Variants in AFAP1 observed in about 807,000 individuals in gnomAD.
AFAP1 encodes actin filament-associated protein 1.
AFAP1 carries 75 observed loss-of-function variants against 93.9 expected under a neutral mutation model. The observed-to-expected ratio is 0.80, with a 90% CI of 0.66 to 0.97. AFAP1 has a LOEUF of 0.97. Ranked by LOEUF, AFAP1 falls within the 50% of genes least tolerant of loss-of-function variation. The pLI, the probability that AFAP1 is intolerant of heterozygous loss-of-function variation, is 0.00. For synonymous variants in AFAP1, 517 were observed against 430.7 expected, an observed-to-expected ratio of 1.20 and a Z score of -2.48; for missense variants, 1,201 against 1,050.8, an observed-to-expected ratio of 1.14 and a Z score of -1.98.
At chr4:7,932,302 C>T (rs1344301486) in intron 1 of AFAP1, among the ~76,000 whole-genome samples, 2 of 152,154 alleles carry the variant, frequency 1.3e-5, no homozygotes, top group African/African-American at 2.4e-5. Context: ...TGGTGACCAC[C>T]ATCAGTTGTT....
At chr4:7,881,789 AAAAG>A (rs1235376336) in intron 1 of AFAP1, among the ~76,000 whole-genome samples, 1 of 151,872 alleles carries the variant, frequency 6.6e-6, no homozygotes, top group African/African-American at 2.4e-5. Flanking sequence ...TCAAAAAAAA[AAAAG>A]AAAAAGTAAA....
intron 1 of AFAP1, among the ~76,000 whole-genome samples, chr4:7,897,613 T>A (rs946496568): frequency 2.0e-5 from 3 of 152,042 alleles, no homozygotes; most frequent in Non-Finnish European, 4.4e-5. Context: ...CACCTCAGCC[T>A]CCCAGGTTCA....
At chr4:7,915,462 G>A (rs948459473) in intron 1 of AFAP1, among the ~76,000 whole-genome samples, 1 of 137,774 alleles carries the variant, frequency 7.3e-6, no homozygotes, top group Non-Finnish European at 1.5e-5. Context: ...CCAGGCAACA[G>A]AGCAAAACCC....
chr4:7,875,602 G>C (rs115808133), intron 1 of AFAP1, among the ~76,000 whole-genome samples: 2,002 of 148,610 alleles, frequency 0.013, 31 homozygotes, highest in African/African-American at 0.039. Flanking sequence ...CTGGGTAACA[G>C]AGTGAGACCC....
chr4:7,897,873 G>T (rs938695827), intron 1 of AFAP1, among the ~76,000 whole-genome samples: 6 of 152,058 alleles, frequency 3.9e-5, no homozygotes, highest in Non-Finnish European at 1.5e-5. Flanking sequence ...CTCAAATTTA[G>T]CATGCCCAAA....
At chr4:7,934,525 G>A (rs1045557446) in intron 1 of AFAP1, among the ~76,000 whole-genome samples, 43 of 152,164 alleles carry the variant, frequency 2.8e-4, no homozygotes, top group African/African-American at 9.4e-4. Flanking sequence ...CCAGGGCCGG[G>A]TTTATTAGCC....
chr4:7,923,013 C>CA (rs1339400507), intron 1 of AFAP1, among the ~76,000 whole-genome samples: 2 of 151,824 alleles, frequency 1.3e-5, no homozygotes, highest in Non-Finnish European at 2.9e-5. Flanking sequence ...ATAAAATGAG[C>CA]AAAAAATCAC....
chr4:7,919,891 T>C (rs1242866978), intron 1 of AFAP1, among the ~76,000 whole-genome samples: 1 of 150,790 alleles, frequency 6.6e-6, no homozygotes, highest in African/African-American at 2.4e-5. Context: ...TAAGAACACA[T>C]GGTGTTTGGT....
At chr4:7,928,664 G>A (rs1024193917) in intron 1 of AFAP1, among the ~76,000 whole-genome samples, 4 of 152,176 alleles carry the variant, frequency 2.6e-5, no homozygotes, top group East Asian at 3.9e-4. Flanking sequence ...GGGATTACAG[G>A]CGTGAGCCAC....
chr4:7,808,366 G>T (rs1325630968), intron 9 of AFAP1, among the ~76,000 whole-genome samples: 1 of 152,052 alleles, frequency 6.6e-6, no homozygotes, highest in African/African-American at 2.4e-5. Context: ...ACGGCCTCTT[G>T]GGTTTTCCCT....
intron 6 of AFAP1, among the ~76,000 whole-genome samples, chr4:7,820,296 T>C (rs1054434857): frequency 6.6e-5 from 10 of 152,160 alleles, no homozygotes; most frequent in Non-Finnish European, 1.5e-4. Context: ...AGAAATGGGC[T>C]GGGTGGAGAG....
At chr4:7,872,124 C>T in intron 1 of AFAP1, 44 bp from the exon 2 acceptor site, 1 of 1,608,034 alleles carries the variant, frequency 6.2e-7, no homozygotes, top group Non-Finnish European at 8.5e-7. Flanking sequence ...CAGTGATTTG[C>T]AAATGTCAAA....
chr4:7,803,614 C>T (rs552370400), intron 9 of AFAP1, among the ~76,000 whole-genome samples: 1 of 152,232 alleles, frequency 6.6e-6, no homozygotes, highest in South Asian at 2.1e-4. Context: ...TTCCCAACCA[C>T]AGGGGGTCCA....
At chr4:7,924,836 CTG>C (rs1196846501) in intron 1 of AFAP1, among the ~76,000 whole-genome samples, 2 of 152,174 alleles carry the variant, frequency 1.3e-5, no homozygotes, top group Non-Finnish European at 2.9e-5. Flanking sequence ...AATGACAACT[CTG>C]TCCCACGTGG....
chr4:7,798,572 CTT>C (rs1323693452), intron 10 of AFAP1, among the ~76,000 whole-genome samples: 7 of 152,338 alleles, frequency 4.6e-5, no homozygotes, highest in East Asian at 1.9e-4. Context: ...AGTGAAGTCA[CTT>C]TTCAGCTGTA....
At chr4:7,852,870 T>C (rs1199324467) in intron 4 of AFAP1, among the ~76,000 whole-genome samples, 2 of 152,148 alleles carry the variant, frequency 1.3e-5, no homozygotes, top group East Asian at 1.9e-4. Flanking sequence ...GTCAACCTTG[T>C]ATGAATATCT....
intron 8 of AFAP1, among the ~76,000 whole-genome samples, chr4:7,811,006 A>T (rs1337045463): frequency 6.6e-6 from 1 of 152,202 alleles, no homozygotes. Context: ...ACAGCACCAG[A>T]ACCGAGTGAC....
At chr4:7,918,196 GTCACCAGGAAACAGGGCT>G (rs1436480592) in intron 1 of AFAP1, among the ~76,000 whole-genome samples, 5,298 of 131,962 alleles carry the variant, frequency 0.04, 244 homozygotes, top group Non-Finnish European at 0.057. Flanking sequence ...CTCGGCCCAG[GTCACCAGGAAACAGGGCT>G]GCTGCCGGAT....
chr4:7,916,550 T>A (rs1353181749), intron 1 of AFAP1, among the ~76,000 whole-genome samples: 1 of 152,176 alleles, frequency 6.6e-6, no homozygotes, highest in Non-Finnish European at 1.5e-5. Context: ...CAAGTCCACT[T>A]ACTATGATAG....
Sources: allele counts gnomAD v4.1 joint callset (sites outside exome capture counted in the v4.1 genomes callset), GRCh38; gene constraint gnomAD v4.1.1; transcripts MANE v1.5; gene names NCBI Gene and HGNC (gene_info 2026-07-23, HGNC 2026-07-21).